DACH2: variants seen among roughly 807,000 people sequenced by gnomAD.
DACH2 encodes dachshund homolog 2.
In DACH2, 17 loss-of-function variants were observed where a neutral mutation model predicts 35.8. The observed-to-expected ratio is 0.48, with a 90% CI of 0.33 to 0.71. The LOEUF (loss-of-function observed/expected upper bound fraction) is 0.71. Ranked by LOEUF, DACH2 falls within the 30% of genes least tolerant of loss-of-function variation. The pLI is 0.02. For missense variants in DACH2, 469 were observed against 472.7 expected, an observed-to-expected ratio of 0.99 and a Z score of 0.07; for synonymous variants, 195 against 177.3, an observed-to-expected ratio of 1.10 and a Z score of -0.79.
chrX:86,543,512 A>C (rs765708209), intron 3 of DACH2, among the ~76,000 whole-genome samples: 1 of 110,800 alleles, frequency 9.0e-6, no homozygotes, highest in East Asian at 2.9e-4. Context: ...AGAATTCAGG[A>C]TATGGATAGG....
rs191768947 is a variant in DACH2, at chrX:86,534,772, C to T, written c.640+20381C>T. 9.9e-3 allele frequency among the ~76,000 whole-genome samples: 1,099 copies of T among 111,438 alleles called. 17 individuals carry two copies. The highest frequency in any genetic ancestry group is 0.034 in the African/African-American group (1,052 of 30,725). On this transcript the variant is annotated intron_variant, in intron 3 of 11. Transcript: ENST00000373125. ...GGTTTTATTATTGTATGTCTTTTTA[C>T]TTTAGGATTGTATACTCTCTCAGTT...
intron 1 of DACH2, among the ~76,000 whole-genome samples, chrX:86,283,871 TACACAC>T (rs111448832): frequency 6.9e-5 from 7 of 102,143 alleles, no homozygotes; most frequent in Admixed American, 2.2e-4. Context: ...TTAAAGTATA[TACACAC>T]ACACACACAC....
chrX:86,228,824 C>T (rs1569309263), intron 1 of DACH2, among the ~76,000 whole-genome samples: 1 of 110,126 alleles, frequency 9.1e-6, no homozygotes, highest in Admixed American at 9.7e-5. Flanking sequence ...TGTTTTTTTT[C>T]GTACTGATTT....
At chrX:86,288,389 T>A (rs1236858391) in intron 1 of DACH2, among the ~76,000 whole-genome samples, 1 of 111,636 alleles carries the variant, frequency 9.0e-6, no homozygotes, top group African/African-American at 3.3e-5. Context: ...CCCTCCCTGG[T>A]TACTGCCTAT....
At chrX:86,700,161 A>T (rs187086515) in intron 5 of DACH2, among the ~76,000 whole-genome samples, 192 of 110,386 alleles carry the variant, frequency 1.7e-3, no homozygotes, top group African/African-American at 6.2e-3. Flanking sequence ...ATTTTCTGAG[A>T]TTTTTTTATA....
At chrX:86,389,598 G>C (rs1253791125) in intron 2 of DACH2, among the ~76,000 whole-genome samples, 1 of 112,063 alleles carries the variant, frequency 8.9e-6, no homozygotes, top group Non-Finnish European at 1.9e-5. Context: ...ATGGCCACAG[G>C]AGAGTGCCTC....
At chrX:86,409,126 ACT>A (rs946631386) in intron 2 of DACH2, among the ~76,000 whole-genome samples, 4 of 110,908 alleles carry the variant, frequency 3.6e-5, no homozygotes, top group African/African-American at 9.8e-5. Flanking sequence ...ATTAATCATC[ACT>A]CTTTTTTTCT....
At chrX:86,175,228 A>G (rs961967646) in intron 1 of DACH2, among the ~76,000 whole-genome samples, 4 of 112,162 alleles carry the variant, frequency 3.6e-5, no homozygotes, top group Non-Finnish European at 1.9e-5. Flanking sequence ...AGAGAGAATT[A>G]TGTTCTGAAA....
At chrX:86,293,364 G>C (rs1254589883) in intron 1 of DACH2, among the ~76,000 whole-genome samples, 2 of 109,620 alleles carry the variant, frequency 1.8e-5, no homozygotes, top group Non-Finnish European at 3.8e-5. Flanking sequence ...ACACTGATGG[G>C]TCTTGACTAT....
At chrX:86,211,443 C>G (rs1164831173) in intron 1 of DACH2, among the ~76,000 whole-genome samples, 1 of 111,406 alleles carries the variant, frequency 9.0e-6, no homozygotes, top group African/African-American at 3.3e-5. Context: ...GGATGTCAAG[C>G]ATAGCTGGCT....
At chrX:86,664,573 G>A (rs1388531463) in intron 4 of DACH2, among the ~76,000 whole-genome samples, 3 of 112,085 alleles carry the variant, frequency 2.7e-5, no homozygotes, top group Non-Finnish European at 5.6e-5. Flanking sequence ...GAACCATCAG[G>A]AGGGGAAAAA....
chrX:86,285,477 T>C, intron 1 of DACH2, among the ~76,000 whole-genome samples: 1 of 112,190 alleles, frequency 8.9e-6, no homozygotes, highest in East Asian at 2.8e-4. Context: ...TTATATAGTT[T>C]CCAAAATTCC....
chrX:86,155,541 A>G (rs2030514710), intron 1 of DACH2, among the ~76,000 whole-genome samples: 1 of 110,234 alleles, frequency 9.1e-6, no homozygotes, highest in Admixed American at 9.7e-5. Flanking sequence ...CATTTCATTT[A>G]ACCCATGGCT....
chrX:86,745,428 TC>T (rs967530813), intron 7 of DACH2, among the ~76,000 whole-genome samples: 8 of 110,856 alleles, frequency 7.2e-5, no homozygotes, highest in African/African-American at 2.3e-4. Context: ...ACCTCCACCC[TC>T]AAGTAGGCCC....
At chrX:86,359,061 G>T (rs772412127) in intron 1 of DACH2, among the ~76,000 whole-genome samples, 1 of 102,323 alleles carries the variant, frequency 9.8e-6, no homozygotes, top group African/African-American at 3.5e-5. Flanking sequence ...GAGAAAGGGA[G>T]AAATAGAACC....
intron 1 of DACH2, among the ~76,000 whole-genome samples, chrX:86,178,075 A>G (rs1370702271): frequency 1.8e-5 from 2 of 112,104 alleles, no homozygotes; most frequent in Non-Finnish European, 3.8e-5. Context: ...TTATCAAGGA[A>G]GAATCATTGG....
chrX:86,684,990 A>G (rs769580177), intron 4 of DACH2, among the ~76,000 whole-genome samples: 2 of 112,111 alleles, frequency 1.8e-5, no homozygotes, highest in South Asian at 7.3e-4. Flanking sequence ...TTTAAAACAT[A>G]TATTCTTAGT....
rs529136309 is a variant in DACH2 at position 86,383,732 on chromosome X, T to TC, written c.527+6871dup. Among the ~76,000 whole-genome samples the TC allele has an allele frequency of 3.6e-3, 386 of 108,117 alleles. 1 individual carries two copies. The highest frequency in any genetic ancestry group is 5.9e-3 in the Non-Finnish European group (309 of 51,989). The allele number at this position is 108,117 out of a possible 115,157, so 93.9% of individuals were successfully genotyped here. ...GTCCACTCTGACCTTGTAATATTTC[T>TC]CACAGTTGGAAATGTAATGCAGAGT... On this transcript the variant is annotated intron_variant, in intron 2 of 11. Transcript: ENST00000373125.
chrX:86,562,012 TA>T (rs35858638), intron 3 of DACH2, among the ~76,000 whole-genome samples: 3,071 of 78,681 alleles, frequency 0.039, 35 homozygotes, highest in Middle Eastern at 0.062. Flanking sequence ...AAATGAAACA[TA>T]AAAAAAAAAA....
Sources: gnomAD v4.1 joint callset for allele counts (sites outside exome capture counted in the v4.1 genomes callset) on GRCh38, gnomAD v4.1.1 for gene constraint, MANE v1.5 for transcripts, NCBI Gene and HGNC (gene_info 2026-07-23, HGNC 2026-07-21) for gene names.